PPP4R2: variants seen among roughly 807,000 people sequenced by gnomAD.
The protein encoded by PPP4R2 is serine/threonine-protein phosphatase 4 regulatory subunit 2.
Under a neutral mutation model 47.2 loss-of-function variants are expected in PPP4R2, and 13 were observed. The observed-to-expected ratio is 0.28, with a 90% CI of 0.18 to 0.44. PPP4R2 has a LOEUF of 0.44. Among genes scored for constraint, PPP4R2 ranks in the 20% least tolerant of loss-of-function variants. The pLI is 1.00. For synonymous variants in PPP4R2, 151 were observed against 163.3 expected, an observed-to-expected ratio of 0.92 and a Z score of 0.57; for missense variants, 421 against 491.2, an observed-to-expected ratio of 0.86 and a Z score of 1.35.
rs1316035181 is a variant in PPP4R2 at position 73,066,788 on chromosome 3, A to T, written c.*1066A>T. The stretch of plus-strand genomic sequence containing the variant: ...CTTTAGTATGTACCTGAGCTAAATG[A>T]CTGAAGCTTTAGGGGTGCATAGAAA... On this transcript the variant is annotated 3_prime_UTR_variant, in exon 9 of 9. Coordinates refer to ENST00000356692, the MANE Select transcript of PPP4R2 (RefSeq NM_174907.4). 1 of 152,084 alleles carries T rather than the reference A, an allele frequency of 6.6e-6. No individual in the cohort carries two copies. Among genetic ancestry groups the T allele is most frequent in the South Asian group, 2.1e-4 (1 of 4,830 alleles). The allele number at this position is 152,084 out of a possible 1,614,324, so 9.4% of individuals were successfully genotyped here.
chr3:73,047,005 G>A (rs970342290), intron 2 of PPP4R2, among the ~76,000 whole-genome samples, 181 bp from the exon 3 acceptor site: 1 of 152,132 alleles, frequency 6.6e-6, no homozygotes, highest in African/African-American at 2.4e-5. Context: ...GATAGCATCA[G>A]GATGGAGCTT....
rs1702347781 is a variant in PPP4R2 at position 73,040,178 on chromosome 3, T to G, written c.117-7008T>G. On this transcript the variant is annotated intron_variant, in intron 2 of 8. Coordinates refer to ENST00000356692, the MANE Select transcript of PPP4R2 (RefSeq NM_174907.4). ...CAAAATCAGGTAAAAATATTCCATT[T>G]CACTAGCAATGAAGGAAATGTAAAT... Among the ~76,000 whole-genome samples, 3 of 152,206 alleles carry G rather than the reference T, an allele frequency of 2.0e-5. No homozygotes were observed. In the South Asian group the frequency reaches 6.2e-4, roughly 31 times the overall value.
chr3:73,056,503 GTGTT>G (rs1479099510), intron 3 of PPP4R2, among the ~76,000 whole-genome samples: 8 of 152,164 alleles, frequency 5.3e-5, no homozygotes, highest in Non-Finnish European at 8.8e-5. Context: ...TTTGCAGAAA[GTGTT>G]TGGTTGGGAT....
intron 5 of PPP4R2, chr3:73,062,826 G>T (rs545224554): frequency 5.6e-6 from 9 of 1,613,802 alleles, no homozygotes; most frequent in South Asian, 2.2e-5. Flanking sequence ...AAGACCATGG[G>T]TTGGAGAATT....
At chr3:73,011,433 A>G (rs2107226174) in intron 2 of PPP4R2, among the ~76,000 whole-genome samples, 1 of 152,254 alleles carries the variant, frequency 6.6e-6, no homozygotes, top group East Asian at 1.9e-4. Flanking sequence ...GTGAGCCAAG[A>G]TTGCACCACC....
chr3:73,056,150 A>G lies in PPP4R2; in HGVS notation c.288-2887A>G, dbSNP rs1028782509. Among the ~76,000 whole-genome samples the G allele has an allele frequency of 2.8e-4, 43 of 152,168 alleles. 1 individual carries two copies. Among genetic ancestry groups the G allele is most frequent in the Admixed American group, 3.9e-4 (6 of 15,282 alleles). On this transcript the variant is annotated intron_variant, in intron 3 of 8. Coordinates refer to ENST00000356692, the MANE Select transcript of PPP4R2 (RefSeq NM_174907.4). ...GTATCAGAGAGCAGAGCTTTCATATACTTGTACCAAATGCTTTCATTTTGT... is the reference window on the plus strand; with the variant it reads ...GTATCAGAGAGCAGAGCTTTCATATGCTTGTACCAAATGCTTTCATTTTGT...
intron 3 of PPP4R2, among the ~76,000 whole-genome samples, chr3:73,054,945 C>G (rs560379795): frequency 3.4e-4 from 51 of 152,078 alleles, no homozygotes; most frequent in African/African-American, 1.2e-3. Context: ...ATGTCTTTCC[C>G]TGATATTCAG....
intron 2 of PPP4R2, among the ~76,000 whole-genome samples, chr3:73,016,461 C>T (rs139365765): frequency 6.6e-6 from 1 of 152,198 alleles, no homozygotes; most frequent in Non-Finnish European, 1.5e-5. Context: ...CCCCAAATGT[C>T]AGTAGTGTCA....
chr3:73,007,883 A>G (rs895173215), intron 2 of PPP4R2, among the ~76,000 whole-genome samples: 2 of 152,160 alleles, frequency 1.3e-5, no homozygotes, highest in Non-Finnish European at 2.9e-5. Flanking sequence ...TGTCAGCCAA[A>G]TACTACCTTT....
intron 7 of PPP4R2, 102 bp downstream of exon 7, chr3:73,064,248 A>G (rs2107347775): frequency 9.5e-7 from 1 of 1,058,044 alleles, no homozygotes; most frequent in Non-Finnish European, 1.3e-6. Flanking sequence ...GAGGGACAGA[A>G]CAAGGTTTTC....
intron 3 of PPP4R2, among the ~76,000 whole-genome samples, chr3:73,050,462 T>C (rs1314253773): frequency 1.3e-5 from 2 of 152,068 alleles, no homozygotes; most frequent in Non-Finnish European, 2.9e-5. Flanking sequence ...TTTATATATA[T>C]ATAGTTTTTT....
At chr3:73,030,890 C>T (rs538537384) in intron 2 of PPP4R2, among the ~76,000 whole-genome samples, 1 of 151,674 alleles carries the variant, frequency 6.6e-6, no homozygotes, top group African/African-American at 2.4e-5. Flanking sequence ...TTAGTAGAGA[C>T]GGGGTTTCAC....
intron 2 of PPP4R2, among the ~76,000 whole-genome samples, chr3:73,017,357 G>GT (rs11371556): frequency 0.53 from 80,188 of 151,842 alleles, 21,564 homozygotes; most frequent in African/African-American, 0.62. Flanking sequence ...TCTGCCTGTT[G>GT]TAGCCTGGAA....
At chr3:73,027,027 G>T (rs1486341453) in intron 2 of PPP4R2, among the ~76,000 whole-genome samples, 3 of 152,212 alleles carry the variant, frequency 2.0e-5, no homozygotes, top group Admixed American at 6.5e-5. Context: ...TCTGAAGATT[G>T]AGTTAATATG....
chr3:73,023,090 T>C (rs745603127), intron 2 of PPP4R2, among the ~76,000 whole-genome samples: 14 of 152,290 alleles, frequency 9.2e-5, no homozygotes, highest in African/African-American at 3.1e-4. Flanking sequence ...TGTGACTGTT[T>C]AAGAGATTTT....
chr3:73,021,187 T>G (rs1005242039), intron 2 of PPP4R2, among the ~76,000 whole-genome samples: 2 of 151,600 alleles, frequency 1.3e-5, no homozygotes, highest in Non-Finnish European at 2.9e-5. Flanking sequence ...TTAAAAAGAG[T>G]AGGAAGGAGA....
Position 72,996,914 on chromosome 3 carries a change from CG to C in PPP4R2, c.-122del. The C allele has an allele frequency of 1.7e-6, 1 of 602,616 alleles. No individual in the cohort carries two copies. The allele number at this position is 602,616 out of a possible 1,614,324, so 37.3% of individuals were successfully genotyped here. On this transcript the variant is annotated 5_prime_UTR_variant, in exon 1 of 9. Transcript: ENST00000356692. The stretch of plus-strand genomic sequence containing the variant: ...CCCGGCTCCCTTCGTTTCCCCCCCC[CG>C]GTCGCCTGCGTGCCGGAGTGTGTGC...
intron 5 of PPP4R2, chr3:73,062,383 A>C: frequency 6.2e-7 from 1 of 1,607,284 alleles, no homozygotes; most frequent in Non-Finnish European, 8.5e-7. Context: ...GGGGATATTA[A>C]GGACATTAAA....
chr3:73,045,778 G>A (rs1490628598), intron 2 of PPP4R2, among the ~76,000 whole-genome samples: 1 of 152,126 alleles, frequency 6.6e-6, no homozygotes, highest in East Asian at 1.9e-4. Flanking sequence ...CCGCCTGCTG[G>A]GTTTACAGGT....
Sources: gnomAD v4.1 joint callset for allele counts (sites outside exome capture counted in the v4.1 genomes callset) on GRCh38, gnomAD v4.1.1 for gene constraint, MANE v1.5 for transcripts, NCBI Gene and HGNC (gene_info 2026-07-23, HGNC 2026-07-21) for gene names.